The following SETMAR variants were observed in gnomAD, a reference collection of about 807,000 sequenced individuals.
The protein encoded by SETMAR is histone-lysine N-methyltransferase SETMAR.
A neutral mutation model predicts 58.4 loss-of-function variants in SETMAR; 44 were observed. That is an observed-to-expected ratio of 0.75 (90% confidence interval 0.59 to 0.97). The LOEUF (loss-of-function observed/expected upper bound fraction) is 0.97, where lower values mean the gene tolerates loss of function less well. Ranked by LOEUF, SETMAR falls within the 50% of genes least tolerant of loss-of-function variation. The probability of loss-of-function intolerance (pLI) is 0.00; values close to 1 mark genes in which losing one functional copy is unlikely to be tolerated. For missense variants in SETMAR, 903 were observed against 840.2 expected (o/e 1.07, Z -0.92); for synonymous variants, 332 against 307.4 (o/e 1.08, Z -0.84).
intron 2 of SETMAR, 28 bp from the exon 3 acceptor site, chr3:4,316,184 T>C: frequency 1.5e-6 from 1 of 654,284 alleles, no homozygotes. Context: ...GCTAATGACA[T>C]CTTACTTGCT....
intron 2 of SETMAR, among the ~76,000 whole-genome samples, chr3:4,315,270 A>T (rs1698590655): frequency 6.6e-6 from 1 of 152,124 alleles, no homozygotes; most frequent in South Asian, 2.1e-4. Context: ...TCTTGCTCAC[A>T]AGCTCACCTA....
At chr3:4,315,827 A>T (rs1698615029) in intron 2 of SETMAR, among the ~76,000 whole-genome samples, 1 of 152,068 alleles carries the variant, frequency 6.6e-6, no homozygotes, top group African/African-American at 2.4e-5. Context: ...CAGGCAGAAC[A>T]CTTGAGCTTG....
Position 4,312,933 on chromosome 3 carries a change from C to T in SETMAR, c.192C>T (p.Asp64=), listed in dbSNP as rs201233667. ...TPDHVVGPGA[D]IDPTQITFPG... is the part of the protein sequence containing the mutation. ...ATCATGTAGTTGGACCTGGAGCAGA[C>T]ATTGATCCCACTCAAATAACCTTTC... Residue 64 remains aspartate, a synonymous_variant, in exon 2 of 3, where the codon GAC becomes GAT. Coordinates refer to ENST00000358065, the MANE Select transcript of SETMAR (RefSeq NM_006515.4). The T allele has an allele frequency of 6.2e-7, 1 of 1,613,170 alleles. No individual in the cohort carries two copies. Among genetic ancestry groups the T allele is most frequent in the Admixed American group, 1.7e-5 (1 of 59,974 alleles).
chr3:4,311,260 C>G (rs1051816614), intron 1 of SETMAR, among the ~76,000 whole-genome samples: 3 of 152,130 alleles, frequency 2.0e-5, no homozygotes, highest in Non-Finnish European at 2.9e-5. Flanking sequence ...CCGAGGCCTC[C>G]ACAGGGAGTA....
At position 4,313,316 on chromosome 3, in the gene SETMAR, A is replaced by G; in HGVS notation, c.575A>G (p.Tyr192Cys). 6.2e-7 allele frequency: 1 copy of G among 1,614,026 alleles called. No individual in the cohort carries two copies. The highest frequency in any genetic ancestry group is 8.5e-7 in the Non-Finnish European group (1 of 1,179,946). The change falls in exon 2 of 3, where the codon TAC becomes TGC. Residue 192 changes from tyrosine to cysteine, a missense_variant. Transcript: ENST00000358065. ...TTACAAACAAAATCCGACTCCAATT[A>G]CATTATAGCCATCAGGGAACATGTT... is the stretch of plus-strand genomic sequence containing the variant. ...IHLQTKSDSN[Y>C]IIAIREHVYN...
rs770380662 is a variant in SETMAR, at chr3:4,313,686, T to C, written c.945T>C (p.Cys315=). 15 of 1,614,046 alleles carry C rather than the reference T, an allele frequency of 9.3e-6. No homozygotes were observed. The highest frequency in any genetic ancestry group is 2.2e-5 in the South Asian group (2 of 91,080). The change falls in exon 2 of 3, where the codon TGT becomes TGC. Residue 315 remains cysteine, a synonymous_variant. Transcript: ENST00000358065. ...CCGTAGAAAAGTCGAACATCAGTTG[T>C]GGAAATGAGAAGGAACCCAGCATGT... ...YCPVEKSNIS[C]GNEKEPSMCG...
chr3:4,308,300 C>G (rs1019557854), intron 1 of SETMAR, among the ~76,000 whole-genome samples: 7 of 152,158 alleles, frequency 4.6e-5, no homozygotes, highest in Admixed American at 1.3e-4. Flanking sequence ...CTATGCACTA[C>G]CTGCAAAATT....
At position 4,315,975 on chromosome 3, in the gene SETMAR, A is replaced by G. The variant is rs367644981; in HGVS notation, c.1021-237A>G. Among the ~76,000 whole-genome samples, 23 of 147,158 alleles carry G rather than the reference A, an allele frequency of 1.6e-4. 1 individual carries two copies. The East Asian group carries it at 1.7e-3, about 11-fold the overall frequency. On this transcript the variant is annotated intron_variant, in intron 2 of 2. Transcript: ENST00000358065. ...GGTACGAGAATCACTTGAGCCCAGG[A>G]GGCAGAGGTTGCAGTGAGCCAAGAC...
chr3:4,312,821 C>G, intron 1 of SETMAR, 77 bp from the exon 2 acceptor site: 2 of 1,500,384 alleles, frequency 1.3e-6, no homozygotes, highest in Non-Finnish European at 1.8e-6. Flanking sequence ...AGAATGGGTC[C>G]CAGTCAGAAG....
intron 1 of SETMAR, among the ~76,000 whole-genome samples, chr3:4,311,929 A>G (rs1225366533): frequency 3.3e-5 from 5 of 152,238 alleles, no homozygotes; most frequent in Non-Finnish European, 7.3e-5. Flanking sequence ...ATGCTTCACG[A>G]TGCTAATGAG....
At position 4,303,470 on chromosome 3, in the gene SETMAR, C is replaced by T. The variant is rs1438485801; in HGVS notation, c.100C>T (p.Gln34Ter). ...PTEQLDVACG[Q>*]ENLPVGAWPP... Reference sequence around the variant, plus strand: ...TGAGCAGCTGGATGTCGCGTGCGGCCAGGAAAACTTGCCGGTGGGCGCGTG... The same window carrying T: ...TGAGCAGCTGGATGTCGCGTGCGGCTAGGAAAACTTGCCGGTGGGCGCGTG... The change falls in exon 1 of 3, where the codon CAG becomes TAG. Residue 34 changes from glutamine to a stop codon, truncating the protein, a stop_gained. Transcript: ENST00000358065. LOFTEE classifies it high-confidence loss of function. 2.0e-6 allele frequency: 3 copies of T among 1,523,750 alleles called. No individual in the cohort carries two copies. The highest frequency in any genetic ancestry group is 2.6e-6 in the Non-Finnish European group (3 of 1,141,166). 94.4% of individuals were successfully genotyped at this position (1,523,750 alleles called of 1,614,324 possible).
rs1022844259 is a variant in SETMAR at position 4,316,801 on chromosome 3, G to C, written c.1610G>C (p.Trp537Ser). The change falls in exon 3 of 3, where the codon TGG becomes TCG. Residue 537 changes from tryptophan (W) to serine (S), a missense_variant. Physicochemically the swap from Trp to Ser is radical, Grantham distance 177. Coordinates refer to ENST00000358065, the MANE Select transcript of SETMAR (RefSeq NM_006515.4). ...AAAAAGGTCATGGTCACTATTTGGT[G>C]GTCTGCTGCTGGTCTGATCCACTAC... ...HPKKVMVTIW[W>S]SAAGLIHYSF... 3.2e-6 allele frequency: 5 copies of C among 1,550,666 alleles called. No homozygotes were observed. The highest frequency in any genetic ancestry group is 3.5e-6 in the Non-Finnish European group (4 of 1,146,708).
intron 2 of SETMAR, 91 bp downstream of exon 2, chr3:4,313,852 A>T: frequency 1.3e-6 from 2 of 1,571,498 alleles, no homozygotes; most frequent in African/African-American, 2.7e-5. Flanking sequence ...ACATAAGTTT[A>T]ACTCAGGAAT....
chr3:4,313,473 G>A lies in SETMAR; in HGVS notation c.732G>A (p.Leu244=). 1 of 1,613,888 alleles carries A rather than the reference G, an allele frequency of 6.2e-7. No homozygotes were observed. ...GAATTGACTCAATGGTACCTAAGTT[G>A]GCACTTTTTGCAGCCAAAGATATTG... is the stretch of plus-strand genomic sequence containing the variant. The part of the protein sequence containing the change: ...PVRIDSMVPK[L]ALFAAKDIVP... The change falls in exon 2 of 3, where the codon TTG becomes TTA. Residue 244 remains leucine (L), a synonymous_variant. Coordinates refer to ENST00000358065, the MANE Select transcript of SETMAR (RefSeq NM_006515.4).
At chr3:4,303,577 T>C in intron 1 of SETMAR, 51 bp downstream of exon 1, 1 of 1,346,342 alleles carries the variant, frequency 7.4e-7, no homozygotes, top group Non-Finnish European at 9.5e-7. Context: ...CTCCCCCACG[T>C]GGTCTCCTCA....
intron 1 of SETMAR, among the ~76,000 whole-genome samples, chr3:4,307,428 A>G (rs369985307): frequency 4.6e-5 from 7 of 152,300 alleles, no homozygotes; most frequent in South Asian, 2.1e-4. Context: ...AGACCTACAC[A>G]TTTAACACAA....
At chr3:4,305,144 G>A (rs1698139042) in intron 1 of SETMAR, among the ~76,000 whole-genome samples, 1 of 152,132 alleles carries the variant, frequency 6.6e-6, no homozygotes, top group Admixed American at 6.5e-5. Context: ...CTAGAGTGTG[G>A]TGGTGCGATC....
chr3:4,313,779 T>A lies in SETMAR; in HGVS notation c.1020+18T>A. 1 of 1,613,712 alleles carries A rather than the reference T, an allele frequency of 6.2e-7. No individual in the cohort carries two copies. The highest frequency in any genetic ancestry group is 8.5e-7 in the Non-Finnish European group (1 of 1,179,744). ...CCCTTGAGGTGAGTCTGTTCAGTGA[T>A]AAGCAGCTTGCCCCTCCCTATAGTG... On this transcript the variant is annotated intron_variant, in intron 2 of 2. Coordinates refer to ENST00000358065, the MANE Select transcript of SETMAR (RefSeq NM_006515.4).
Position 4,314,001 on chromosome 3 carries a change from G to A in SETMAR, c.1020+240G>A, listed in dbSNP as rs562648795. 15 of 663,474 alleles carry A rather than the reference G, an allele frequency of 2.3e-5. No homozygotes were observed. In the South Asian group the frequency reaches 3.5e-4, roughly 16 times the overall value. 41.1% of individuals were successfully genotyped at this position (663,474 alleles called of 1,614,324 possible). On this transcript the variant is annotated intron_variant, in intron 2 of 2. Transcript: ENST00000358065. Reference sequence around the variant, plus strand: ...TCTTAGTGACTGTTCTAGTTAATAGGATATAAGCAAAAATGACAAGTCCTT... The same window carrying A: ...TCTTAGTGACTGTTCTAGTTAATAGAATATAAGCAAAAATGACAAGTCCTT...
Sources: gnomAD v4.1 joint callset for allele counts (sites outside exome capture counted in the v4.1 genomes callset) on GRCh38, gnomAD v4.1.1 for gene constraint, MANE v1.5 for transcripts, NCBI Gene and HGNC (gene_info 2026-07-23, HGNC 2026-07-21) for gene names.